The following ANK3 variants were observed in gnomAD, a reference collection of about 807,000 sequenced individuals.
The protein encoded by ANK3 is ankyrin-3.
ANK3 carries 57 observed loss-of-function variants against 370.9 expected under a neutral mutation model. The ratio of observed to expected loss-of-function variants is 0.15; its 90% CI spans 0.12 to 0.19. The LOEUF (loss-of-function observed/expected upper bound fraction) is 0.19. ANK3 is among the 10% of genes least tolerant of loss of function. ANK3 has a pLI of 1.00. For missense variants in ANK3, 4,439 were observed against 5,302.1 expected (o/e 0.84, Z 5.06); for synonymous variants, 1,929 against 1,946.3 (o/e 0.99, Z 0.23).
At chr10:60,161,879 T>A (rs955120308) in intron 23 of ANK3, among the ~76,000 whole-genome samples, 1 of 151,778 alleles carries the variant, frequency 6.6e-6, no homozygotes, top group African/African-American at 2.4e-5. Flanking sequence ...TAGTTAACAA[T>A]ATATTTCAAA....
At chr10:60,304,575 G>T (rs751252104) in intron 1 of ANK3, among the ~76,000 whole-genome samples, 8 of 152,070 alleles carry the variant, frequency 5.3e-5, no homozygotes, top group Non-Finnish European at 1.0e-4. Context: ...CCCCAGAGGC[G>T]GAGGTTGCAG....
intron 2 of ANK3, among the ~76,000 whole-genome samples, chr10:60,400,887 C>G (rs891036368): frequency 6.6e-6 from 1 of 152,028 alleles, no homozygotes; most frequent in Non-Finnish European, 1.5e-5. Context: ...CCAACAGGCC[C>G]CAGTGTGTGA....
intron 2 of ANK3, among the ~76,000 whole-genome samples, chr10:60,543,370 A>G (rs2076893433): frequency 6.6e-6 from 1 of 152,094 alleles, no homozygotes; most frequent in South Asian, 2.1e-4. Context: ...TTACTGCAAC[A>G]TTTGTAAAAG....
chr10:60,423,101 T>C (rs562927501), intron 2 of ANK3, among the ~76,000 whole-genome samples: 1 of 152,128 alleles, frequency 6.6e-6, no homozygotes, highest in Non-Finnish European at 1.5e-5. Context: ...CACCTCCAGA[T>C]AATTTTAAAA....
chr10:60,214,975 C>T (rs1418583465), intron 8 of ANK3, among the ~76,000 whole-genome samples: 2 of 152,158 alleles, frequency 1.3e-5, no homozygotes, highest in African/African-American at 4.8e-5. Flanking sequence ...TACATTCCTA[C>T]CAACAGTGTA....
At chr10:60,272,024 T>C (rs1320751256) in intron 4 of ANK3, among the ~76,000 whole-genome samples, 1 of 151,734 alleles carries the variant, frequency 6.6e-6, no homozygotes, top group Non-Finnish European at 1.5e-5. Flanking sequence ...TGTTACTCTG[T>C]TTTATCATGA....
At chr10:60,214,939 T>C (rs1012706550) in intron 8 of ANK3, among the ~76,000 whole-genome samples, 7 of 152,248 alleles carry the variant, frequency 4.6e-5, no homozygotes, top group South Asian at 4.1e-4. Context: ...ATTGTCATAC[T>C]GTGTTCCACA....
At chr10:60,043,661 C>A (rs1280519134) in intron 42 of ANK3, 2 of 985,240 alleles carry the variant, frequency 2.0e-6, no homozygotes, top group South Asian at 4.7e-5. Context: ...TTGAACTGAG[C>A]CTTTTGCCAT....
chr10:60,638,304 G>T (rs187564109), intron 1 of ANK3, among the ~76,000 whole-genome samples: 159 of 152,250 alleles, frequency 1.0e-3, no homozygotes, highest in Admixed American at 1.7e-3. Context: ...CCTCAAGAAG[G>T]TCATGCCTTA....
chr10:60,405,322 A>T (rs2063431781), intron 2 of ANK3, among the ~76,000 whole-genome samples: 1 of 152,162 alleles, frequency 6.6e-6, no homozygotes, highest in Non-Finnish European at 1.5e-5. Context: ...TCATACAATT[A>T]ATCTTAAAGA....
chr10:60,441,626 C>T (rs763052078), intron 2 of ANK3, among the ~76,000 whole-genome samples: 10 of 152,114 alleles, frequency 6.6e-5, no homozygotes, highest in Non-Finnish European at 1.3e-4. Flanking sequence ...ATGTTTATAT[C>T]TGGCATAATA....
chr10:60,498,951 C>T (rs1393622686), intron 2 of ANK3, among the ~76,000 whole-genome samples: 2 of 152,236 alleles, frequency 1.3e-5, no homozygotes, highest in Non-Finnish European at 2.9e-5. Context: ...ATACTTGTCA[C>T]ATCAAGCAAT....
intron 2 of ANK3, among the ~76,000 whole-genome samples, chr10:60,591,461 T>C (rs939606550): frequency 2.0e-5 from 3 of 151,980 alleles, no homozygotes; most frequent in Non-Finnish European, 4.4e-5. Context: ...TTCAAATGGA[T>C]GATTTTTCTG....
At chr10:60,607,733 T>C (rs1002199505) in intron 2 of ANK3, among the ~76,000 whole-genome samples, 2 of 152,194 alleles carry the variant, frequency 1.3e-5, no homozygotes, top group African/African-American at 4.8e-5. Context: ...CAATATGTCT[T>C]TGCTGGTTAG....
At chr10:60,377,088 T>C (rs1232327781) in intron 1 of ANK3, among the ~76,000 whole-genome samples, 1 of 152,164 alleles carries the variant, frequency 6.6e-6, no homozygotes. Flanking sequence ...ATTTTGAGGG[T>C]TGACAGAGCT....
chr10:60,685,470 C>A (rs866861387), intron 1 of ANK3, among the ~76,000 whole-genome samples: 2 of 151,994 alleles, frequency 1.3e-5, no homozygotes, highest in African/African-American at 4.8e-5. Context: ...AAGTTCTGGA[C>A]TAAGAATGTG....
chr10:60,106,122 A>G (rs2092134475), intron 27 of ANK3, 63 bp from the exon 28 acceptor site: 5 of 1,429,252 alleles, frequency 3.5e-6, no homozygotes, highest in Admixed American at 5.2e-5. Context: ...TCATACTTAA[A>G]AAATGTTTCG....
rs562155253 is a variant in ANK3 at position 60,615,915 on chromosome 10, G to A, written c.58-691C>T. 3.9e-5 allele frequency among the ~76,000 whole-genome samples: 6 copies of A among 152,252 alleles called. No individual in the cohort carries two copies. The South Asian group carries it at 1.0e-3, about 26-fold the overall frequency. ...TTCCATCAGGGAAGAAATACCTTTA[G>A]CTCATTTCCTATCAGAATATAGTAA... On this transcript the variant is annotated intron_variant, in intron 1 of 43. Coordinates refer to the ANK3 transcript ENST00000373827.
At chr10:60,630,805 G>A (rs867127200) in intron 1 of ANK3, among the ~76,000 whole-genome samples, 11 of 152,268 alleles carry the variant, frequency 7.2e-5, no homozygotes, top group East Asian at 3.9e-4. Flanking sequence ...AAACCTAGAC[G>A]GAGAGAAAGC....
Sources: gnomAD v4.1 joint callset for allele counts (sites outside exome capture counted in the v4.1 genomes callset) on GRCh38, gnomAD v4.1.1 for gene constraint, MANE v1.5 for transcripts, NCBI Gene and HGNC (gene_info 2026-07-23, HGNC 2026-07-21) for gene names.